AGBL1: variants seen among roughly 807,000 people sequenced by gnomAD.
The protein encoded by AGBL1 is AGBL carboxypeptidase 1.
In AGBL1, 130 loss-of-function variants were observed where a neutral mutation model predicts 118.9. The observed-to-expected ratio is 1.09, with a 90% CI of 0.95 to 1.26. AGBL1 has a LOEUF of 1.26. Ranked by LOEUF, AGBL1 falls within the 50% of genes most tolerant of loss-of-function variation. AGBL1 has a pLI of 0.00. For synonymous variants in AGBL1, 555 were observed against 478.9 expected (o/e 1.16, Z -2.08); for missense variants, 1,584 against 1,298.1 (o/e 1.22, Z -3.38).
intron 5 of AGBL1, among the ~76,000 whole-genome samples, chr15:86,206,987 A>T (rs969910839): frequency 1.3e-5 from 2 of 152,178 alleles, no homozygotes; most frequent in Non-Finnish European, 2.9e-5. Flanking sequence ...TAATTTTTGT[A>T]TAAGATATAG....
intron 17 of AGBL1, among the ~76,000 whole-genome samples, chr15:86,358,536 T>A (rs1441754932): frequency 6.6e-6 from 1 of 152,032 alleles, no homozygotes; most frequent in East Asian, 1.9e-4. Flanking sequence ...TTCCTGTGAG[T>A]GTATACCTAG....
At chr15:86,299,804 A>G (rs2079717258) in intron 17 of AGBL1, 1 of 152,164 alleles carries the variant, frequency 6.6e-6, no homozygotes, top group South Asian at 2.1e-4. Context: ...ACTCTTCCAG[A>G]ATGGGATATG....
Position 86,397,445 on chromosome 15 carries a change from G to A in AGBL1, c.2454G>A (p.Leu818=). ...SNASWVMKGT[L]EFLVSSDPVA... Reference sequence around the variant, plus strand: ...CCAGTTGGGTGATGAAGGGTACCTTGGAGTTCCTGGTCAGCAGTGACCCTG... The same window carrying A: ...CCAGTTGGGTGATGAAGGGTACCTTAGAGTTCCTGGTCAGCAGTGACCCTG... Residue 818 remains leucine, a synonymous_variant, in exon 18 of 23, where the codon TTG becomes TTA. Transcript: ENST00000614907. The A allele has an allele frequency of 6.2e-7, 1 of 1,613,154 alleles. No homozygotes were observed. Among genetic ancestry groups the A allele is most frequent in the Non-Finnish European group, 8.5e-7 (1 of 1,179,380 alleles).
intron 18 of AGBL1, among the ~76,000 whole-genome samples, chr15:86,412,306 T>C (rs901394890): frequency 6.6e-6 from 1 of 152,196 alleles, no homozygotes; most frequent in Non-Finnish European, 1.5e-5. Context: ...CCAATCTAAT[T>C]TTATCCAAAA....
chr15:86,584,781 C>A (rs2084222032), intron 21 of AGBL1, among the ~76,000 whole-genome samples: 1 of 152,122 alleles, frequency 6.6e-6, no homozygotes, highest in South Asian at 2.1e-4. Context: ...GCAGCAGGGT[C>A]ATTTTAACAA....
chr15:86,830,692 A>G (rs1344709301), intron 22 of AGBL1, among the ~76,000 whole-genome samples: 1 of 152,214 alleles, frequency 6.6e-6, no homozygotes, highest in East Asian at 1.9e-4. Context: ...CCAGCCATTA[A>G]TAGCAGACAG....
Position 86,911,395 on chromosome 15 carries a change from C to T in AGBL1, c.*4101C>T, listed in dbSNP as rs2080348939. ...ACCCACGAGCCCTCAAGGGTGGAAA[C>T]TACTGACCCCTTCGTAACACTTCCC... On this transcript the variant is annotated 3_prime_UTR_variant, in exon 23 of 23. Coordinates refer to ENST00000614907, the MANE Select transcript of AGBL1 (RefSeq NM_001386094.1). The T allele has an allele frequency of 6.6e-6, 1 of 152,240 alleles. No individual in the cohort carries two copies. Among genetic ancestry groups the T allele is most frequent in the African/African-American group, 2.4e-5 (1 of 41,456 alleles). The allele number at this position is 152,240 out of a possible 1,614,324, so 9.4% of individuals were successfully genotyped here.
At chr15:86,536,458 G>A (rs1475574644) in intron 19 of AGBL1, among the ~76,000 whole-genome samples, 2 of 152,180 alleles carry the variant, frequency 1.3e-5, no homozygotes, top group South Asian at 2.1e-4. Flanking sequence ...CTGCAGGCAC[G>A]TGCCACCACA....
chr15:86,897,150 G>T (rs1349959767), intron 22 of AGBL1, among the ~76,000 whole-genome samples: 1 of 152,110 alleles, frequency 6.6e-6, no homozygotes, highest in Non-Finnish European at 1.5e-5. Flanking sequence ...TCTCACTTTA[G>T]AAGACTTATT....
intron 17 of AGBL1, among the ~76,000 whole-genome samples, chr15:86,389,244 C>A (rs2081242907): frequency 6.6e-6 from 1 of 151,836 alleles, no homozygotes; most frequent in Non-Finnish European, 1.5e-5. Flanking sequence ...GTAGAAAGAA[C>A]ACATACAACA....
At chr15:86,249,617 C>A (rs1257694744) in intron 7 of AGBL1, among the ~76,000 whole-genome samples, 1 of 152,130 alleles carries the variant, frequency 6.6e-6, no homozygotes, top group Admixed American at 6.5e-5. Context: ...AGTCTCTAAT[C>A]CCTCCCAGTC....
chr15:86,754,886 T>G (rs2077912926), intron 22 of AGBL1, among the ~76,000 whole-genome samples: 1 of 152,066 alleles, frequency 6.6e-6, no homozygotes. Flanking sequence ...TCCCCATTCC[T>G]CTCCCCTTAT....
intron 21 of AGBL1, chr15:86,630,367 C>T (rs1423272924): frequency 6.6e-6 from 1 of 152,202 alleles, no homozygotes; most frequent in African/African-American, 2.4e-5. Context: ...ACAGGGACAC[C>T]TGAATGGCTC....
chr15:86,106,196 A>G (rs1368634600), intron 1 of AGBL1, among the ~76,000 whole-genome samples: 1 of 152,194 alleles, frequency 6.6e-6, no homozygotes, highest in Non-Finnish European at 1.5e-5. Context: ...AGGGTAGTAA[A>G]TGTGGTGCTT....
At chr15:86,448,888 A>G (rs919256321) in intron 18 of AGBL1, among the ~76,000 whole-genome samples, 5 of 152,244 alleles carry the variant, frequency 3.3e-5, no homozygotes, top group African/African-American at 1.2e-4. Context: ...AAGGAATATA[A>G]TTCTTTCAGT....
At chr15:86,297,549 A>G (rs1289259050) in intron 17 of AGBL1, among the ~76,000 whole-genome samples, 1 of 152,218 alleles carries the variant, frequency 6.6e-6, no homozygotes, top group Non-Finnish European at 1.5e-5. Flanking sequence ...GATGTGATTT[A>G]AGGTCATAAA....
intron 1 of AGBL1, among the ~76,000 whole-genome samples, chr15:86,091,704 T>A (rs1338487127): frequency 6.6e-6 from 1 of 152,192 alleles, no homozygotes; most frequent in Non-Finnish European, 1.5e-5. Context: ...GGTATACACT[T>A]CTTGGGTTTT....
At chr15:86,144,098 T>A (rs961352748) in intron 3 of AGBL1, among the ~76,000 whole-genome samples, 10 of 151,990 alleles carry the variant, frequency 6.6e-5, no homozygotes. Context: ...ATGGATAATA[T>A]GGGGGAAAGG....
chr15:86,087,544 G>T (rs558537291), intron 1 of AGBL1, among the ~76,000 whole-genome samples: 2 of 152,196 alleles, frequency 1.3e-5, no homozygotes, highest in Admixed American at 6.5e-5. Context: ...GGCCAGAGCT[G>T]GTCTGGAACT....
Sources: gnomAD v4.1 joint callset for allele counts (sites outside exome capture counted in the v4.1 genomes callset) on GRCh38, gnomAD v4.1.1 for gene constraint, MANE v1.5 for transcripts, NCBI Gene and HGNC (gene_info 2026-07-23, HGNC 2026-07-21) for gene names.